CEP162: variants seen among roughly 807,000 people sequenced by gnomAD.
CEP162 encodes the protein centrosomal protein of 162 kDa.
CEP162 carries 141 observed loss-of-function variants against 169.2 expected under a neutral mutation model. The observed-to-expected ratio is 0.83, with a 90% CI of 0.73 to 0.96. CEP162 has a LOEUF of 0.96. CEP162 is among the 40% of genes least tolerant of loss of function. CEP162 has a pLI of 0.00. For missense variants in CEP162, 1,600 were observed against 1,587.2 expected (o/e 1.01, Z -0.14); for synonymous variants, 540 against 526.4 (o/e 1.03, Z -0.35).
At position 84,204,182 on chromosome 6, in the gene CEP162, G is replaced by A. The variant is rs899710832; in HGVS notation, c.572-86C>T. 8.0e-6 allele frequency: 6 copies of A among 746,384 alleles called. No individual in the cohort carries two copies. In the South Asian group the frequency reaches 9.0e-5, roughly 11 times the overall value. 46.2% of individuals were successfully genotyped at this position (746,384 alleles called of 1,614,324 possible). Reference sequence around the variant, plus strand: ...AAAAGGCTGTTGATTTCGAAAGGAAGAAGTCTGTATAAGAATAGTTTATTG... The same window carrying A: ...AAAAGGCTGTTGATTTCGAAAGGAAAAAGTCTGTATAAGAATAGTTTATTG... On this transcript the variant is annotated intron_variant, in intron 6 of 26. Transcript: ENST00000403245.
intron 6 of CEP162, among the ~76,000 whole-genome samples, chr6:84,210,489 C>T (rs1020114257): frequency 1.3e-5 from 2 of 152,068 alleles, no homozygotes; most frequent in Admixed American, 6.5e-5. Flanking sequence ...CTACAATTAC[C>T]TGAAGGCACA....
Position 84,221,176 on chromosome 6 carries a change from A to G in CEP162, c.58-5T>C. On this transcript the variant is annotated splice_polypyrimidine_tract_variant and splice_region_variant and intron_variant, in intron 2 of 26. Coordinates refer to ENST00000403245, the MANE Select transcript of CEP162 (RefSeq NM_014895.4). ...TTCAAAAGAATCATCTGAAAGCTGAATTAGATATAAGACATTCAATTTGAA... is the reference window on the plus strand; with the variant it reads ...TTCAAAAGAATCATCTGAAAGCTGAGTTAGATATAAGACATTCAATTTGAA... 1.5e-6 allele frequency: 2 copies of G among 1,305,368 alleles called. No individual in the cohort carries two copies. The highest frequency in any genetic ancestry group is 2.2e-6 in the Non-Finnish European group (2 of 902,424). 80.9% of individuals were successfully genotyped at this position (1,305,368 alleles called of 1,614,324 possible).
In CEP162 at chr6:84,174,131, C is replaced by T; in HGVS notation, c.2083G>A (p.Ala695Thr). Reference sequence around the variant, plus strand: ...AACTTTTCTCCAGTGACAGGATCAGCTGCTTCTCCAAAATGTAACCACCTT... The same window carrying T: ...AACTTTTCTCCAGTGACAGGATCAGTTGCTTCTCCAAAATGTAACCACCTT... ...KQRWLHFGEA[A>T]DPVTGEKLKQ... is the part of the protein sequence containing the mutation. Residue 695 changes from alanine (A) to threonine (T), a missense_variant, in exon 16 of 27, where the codon GCT becomes ACT. Physicochemically the swap from Ala to Thr is moderately conservative, Grantham distance 58. Transcript: ENST00000403245. The T allele has an allele frequency of 6.2e-7, 1 of 1,610,664 alleles. No individual in the cohort carries two copies. Among genetic ancestry groups the T allele is most frequent in the Non-Finnish European group, 8.5e-7 (1 of 1,177,942 alleles).
rs546973502 is a variant in CEP162 at position 84,130,414 on chromosome 6, A to G, written c.3871-3902T>C. ...AGTCCCTCTTTTTCTATTGTGTGGA[A>G]TAGTTTCAGAAGGATTGGTACCAGC... On this transcript the variant is annotated intron_variant, in intron 25 of 26. Coordinates refer to ENST00000403245, the MANE Select transcript of CEP162 (RefSeq NM_014895.4). Among the ~76,000 whole-genome samples the G allele has an allele frequency of 3.9e-5, 6 of 152,234 alleles. No individual in the cohort carries two copies. In the East Asian group the frequency reaches 9.7e-4, roughly 25 times the overall value.
chr6:84,173,338 C>A (rs995366109), intron 16 of CEP162, among the ~76,000 whole-genome samples: 26 of 152,194 alleles, frequency 1.7e-4, no homozygotes, highest in African/African-American at 6.0e-4. Context: ...CCTGATAAAC[C>A]CAATGTAAAG....
At chr6:84,186,918 T>C (rs2099537434) in intron 11 of CEP162, among the ~76,000 whole-genome samples, 1 of 152,188 alleles carries the variant, frequency 6.6e-6, no homozygotes, top group Non-Finnish European at 1.5e-5. Context: ...AGACTGCTTT[T>C]GTAGAAGAAA....
At chr6:84,160,603 A>G (rs879160441) in intron 21 of CEP162, among the ~76,000 whole-genome samples, 29 of 152,312 alleles carry the variant, frequency 1.9e-4, no homozygotes, top group Admixed American at 1.6e-3. Context: ...CAGGTCTACC[A>G]TCTTACGAAT....
chr6:84,195,218 A>T (rs768426), intron 9 of CEP162, 143 bp from the exon 10 acceptor site: 1 of 671,388 alleles, frequency 1.5e-6, no homozygotes, highest in South Asian at 2.1e-5. Flanking sequence ...ATGGCCTACC[A>T]GCATGGATTC....
At chr6:84,182,035 TTTC>T (rs2099535070) in intron 13 of CEP162, among the ~76,000 whole-genome samples, 1 of 152,098 alleles carries the variant, frequency 6.6e-6, no homozygotes. Context: ...GAAATTTCTT[TTTC>T]TTCTTATAGA....
At chr6:84,175,058 C>A (rs2099531863) in intron 14 of CEP162, 104 bp from the exon 15 acceptor site, 3 of 930,286 alleles carry the variant, frequency 3.2e-6, no homozygotes, top group Non-Finnish European at 4.7e-6. Context: ...TAATAATGTT[C>A]TATTATATAA....
chr6:84,127,834 A>T (rs1320597356), intron 25 of CEP162, among the ~76,000 whole-genome samples: 1 of 152,184 alleles, frequency 6.6e-6, no homozygotes, highest in Admixed American at 6.6e-5. Flanking sequence ...ATGGCCAATG[A>T]CTAGTGAGAT....
At position 84,185,362 on chromosome 6, in the gene CEP162, A is replaced by C; in HGVS notation, c.1488T>G (p.Pro496=). Residue 496 remains proline, a synonymous_variant, in exon 13 of 27, where the codon CCT becomes CCG. Transcript: ENST00000403245. ...CACTCTGGGGTTTCCTTTTAAGTAA[A>C]GGAGGTGCACTTCTGGCCTTCTTGT... is the stretch of plus-strand genomic sequence containing the variant. ...VPYKKARSAP[P]LLKRKPQSGL... is the part of the protein sequence containing the mutation. 6.2e-7 allele frequency: 1 copy of C among 1,613,674 alleles called. No homozygotes were observed. The highest frequency in any genetic ancestry group is 8.5e-7 in the Non-Finnish European group (1 of 1,179,674).
intron 25 of CEP162, among the ~76,000 whole-genome samples, chr6:84,132,431 A>C (rs557874539): frequency 1.3e-5 from 2 of 152,266 alleles, no homozygotes; most frequent in Admixed American, 6.5e-5. Context: ...AATATCCTGA[A>C]GAGTGTTTTC....
At chr6:84,222,598 A>G (rs1463262714) in intron 2 of CEP162, among the ~76,000 whole-genome samples, 2 of 152,252 alleles carry the variant, frequency 1.3e-5, no homozygotes, top group East Asian at 3.8e-4. Context: ...AAGCTCTAAG[A>G]GGCTAAGCAA....
intron 17 of CEP162, 98 bp downstream of exon 17, chr6:84,171,508 A>T: frequency 2.1e-6 from 1 of 470,400 alleles, no homozygotes; most frequent in Non-Finnish European, 3.7e-6. Flanking sequence ...ATAAAATTTT[A>T]CTATGTCTAA....
intron 18 of CEP162, among the ~76,000 whole-genome samples, chr6:84,166,540 G>T (rs2129213327): frequency 6.6e-6 from 1 of 152,176 alleles, no homozygotes; most frequent in South Asian, 2.1e-4. Flanking sequence ...TATGTTCCTG[G>T]TGAGCAAGAT....
At chr6:84,222,599 G>C (rs1307875718) in intron 2 of CEP162, among the ~76,000 whole-genome samples, 2 of 152,206 alleles carry the variant, frequency 1.3e-5, no homozygotes, top group African/African-American at 2.4e-5. Context: ...AGCTCTAAGA[G>C]GCTAAGCAAC....
intron 9 of CEP162, among the ~76,000 whole-genome samples, chr6:84,197,842 A>AAAAAAAG (rs1554181653): frequency 6.6e-6 from 1 of 150,896 alleles, no homozygotes; most frequent in African/African-American, 2.5e-5. Context: ...AAAAAAAAAA[A>AAAAAAAG]AGAGAGAAAG....
intron 6 of CEP162, among the ~76,000 whole-genome samples, chr6:84,207,877 A>G (rs6454357): frequency 0.22 from 33,563 of 152,000 alleles, 8,159 homozygotes; most frequent in African/African-American, 0.61. Context: ...CTGCCCAAAG[A>G]ATCTTGAATT....
Sources: allele counts gnomAD v4.1 joint callset (sites outside exome capture counted in the v4.1 genomes callset), GRCh38; gene constraint gnomAD v4.1.1; transcripts MANE v1.5; gene names NCBI Gene and HGNC (gene_info 2026-07-23, HGNC 2026-07-21).